The following CPN1 variants were observed in gnomAD, a reference collection of about 807,000 sequenced individuals.
CPN1 encodes carboxypeptidase N subunit 1.
Under a neutral mutation model 46.4 loss-of-function variants are expected in CPN1, and 37 were observed. That is an observed-to-expected ratio of 0.80 (90% CI 0.61 to 1.05). The LOEUF is 1.05. Among genes scored for constraint, CPN1 ranks in the 50% least tolerant of loss-of-function variants. The pLI is 0.00. For synonymous variants in CPN1, 224 were observed against 235.4 expected (o/e 0.95, Z 0.44); for missense variants, 563 against 602.6 (o/e 0.93, Z 0.69).
intron 7 of CPN1, among the ~76,000 whole-genome samples, chr10:100,052,438 A>G (rs889711419): frequency 6.6e-6 from 1 of 152,124 alleles, no homozygotes; most frequent in African/African-American, 2.4e-5. Context: ...GCCGGTCTTG[A>G]GCTCCTGACC....
chr10:100,054,298 G>T (rs1376254818), intron 7 of CPN1, 49 bp downstream of exon 7: 1 of 1,416,028 alleles, frequency 7.1e-7, no homozygotes, highest in Non-Finnish European at 1.0e-6. Flanking sequence ...TGCTGAAGAA[G>T]ATGCAGGAGT....
chr10:100,068,399 G>C (rs958895858), intron 3 of CPN1, among the ~76,000 whole-genome samples: 6 of 151,948 alleles, frequency 3.9e-5, no homozygotes, highest in African/African-American at 1.4e-4. Flanking sequence ...ATTTTTAGTA[G>C]AGATGGGGTT....
At chr10:100,079,006 C>T (rs190041256) in intron 1 of CPN1, among the ~76,000 whole-genome samples, 22 of 152,340 alleles carry the variant, frequency 1.4e-4, no homozygotes, top group African/African-American at 5.1e-4. Flanking sequence ...TCCCTCTGCC[C>T]GTCATCTTTT....
intron 1 of CPN1, among the ~76,000 whole-genome samples, chr10:100,077,200 G>A (rs1490027605): frequency 6.7e-6 from 1 of 149,588 alleles, no homozygotes; most frequent in South Asian, 2.1e-4. Context: ...ATGAGAGAGA[G>A]CTCTCTGTTG....
chr10:100,059,021 T>C (rs72840175), intron 5 of CPN1, among the ~76,000 whole-genome samples: 10,572 of 152,188 alleles, frequency 0.069, 462 homozygotes, highest in African/African-American at 0.11. Context: ...CCTAACACCA[T>C]ATACAAAAAT....
chr10:100,058,281 A>G (rs2133434691), intron 5 of CPN1, among the ~76,000 whole-genome samples: 1 of 152,290 alleles, frequency 6.6e-6, no homozygotes, highest in South Asian at 2.1e-4. Context: ...CTGTTTTTAA[A>G]AGAATAGATT....
Position 100,054,390 on chromosome 10 carries a change from A to G in CPN1, c.1068T>C (p.Asn356=). The change falls in exon 7 of 9, where the codon AAT becomes AAC. Residue 356 remains asparagine, a synonymous_variant. Coordinates refer to ENST00000370418, the MANE Select transcript of CPN1 (RefSeq NM_001308.3). ...TAATCCCACTGACAGAAATGACAGCATTGGCGAGATTATTGTAATTCTCAT... is the reference window on the plus strand; with the variant it reads ...TAATCCCACTGACAGAAATGACAGCGTTGGCGAGATTATTGTAATTCTCAT... ...VLDENYNNLA[N]AVISVSGINH... is the part of the protein sequence containing the mutation. 6.2e-7 allele frequency: 1 copy of G among 1,614,092 alleles called. No individual in the cohort carries two copies. Among genetic ancestry groups the G allele is most frequent in the Non-Finnish European group, 8.5e-7 (1 of 1,179,990 alleles).
chr10:100,063,599 C>T lies in CPN1; in HGVS notation c.871+15G>A. 6.3e-7 allele frequency: 1 copy of T among 1,579,294 alleles called. No homozygotes were observed. The highest frequency in any genetic ancestry group is 8.7e-7 in the Non-Finnish European group (1 of 1,148,482). ...ATTCCACTTCAGCTTGAGCAGTTCC[C>T]AGGACTCCCCTTACCCTTGCTGAGA... On this transcript the variant is annotated intron_variant, in intron 5 of 8. Transcript: ENST00000370418.
chr10:100,074,561 A>T (rs191518612), intron 2 of CPN1, among the ~76,000 whole-genome samples: 1 of 152,150 alleles, frequency 6.6e-6, no homozygotes, highest in African/African-American at 2.4e-5. Context: ...AATTACAGGC[A>T]TATGCCACCA....
intron 5 of CPN1, 45 bp from the exon 6 acceptor site, chr10:100,057,197 A>G (rs780895033): frequency 1.9e-6 from 3 of 1,601,700 alleles, no homozygotes; most frequent in African/African-American, 2.7e-5. Flanking sequence ...CCAGGTTCCC[A>G]CCCAATGCCC....
chr10:100,074,227 GTTC>G (rs937432869), intron 2 of CPN1, among the ~76,000 whole-genome samples: 5 of 152,220 alleles, frequency 3.3e-5, no homozygotes, highest in Admixed American at 2.6e-4. Flanking sequence ...TGGCCAGGAA[GTTC>G]TTCTCTGTGT....
chr10:100,065,230 GC>G lies in CPN1; in HGVS notation c.716del (p.Arg239ProfsTer71). ...CGTCAGGCGTGGGGGTGCTGGCGGT[GC>G]GGCGGACCCCTCGGACCCGGTGCTC... is the stretch of plus-strand genomic sequence containing the variant. ...SFEHRVRGVR[R>X]TASTPTPDDK... On this transcript the variant is annotated frameshift_variant, in exon 4 of 9. Transcript: ENST00000370418. LOFTEE classifies it high-confidence loss of function. 6.2e-7 allele frequency: 1 copy of G among 1,614,074 alleles called. No individual in the cohort carries two copies. The highest frequency in any genetic ancestry group is 8.5e-7 in the Non-Finnish European group (1 of 1,179,968).
chr10:100,076,785 T>C (rs944628612), intron 1 of CPN1, among the ~76,000 whole-genome samples: 2 of 151,952 alleles, frequency 1.3e-5, no homozygotes, highest in African/African-American at 2.4e-5. Context: ...AAGAATAGGA[T>C]TGGGGGCAGG....
intron 8 of CPN1, among the ~76,000 whole-genome samples, chr10:100,047,554 G>A (rs1344443133): frequency 6.6e-6 from 1 of 152,138 alleles, no homozygotes; most frequent in African/African-American, 2.4e-5. Flanking sequence ...TTGTCCAGTT[G>A]CATTTATTAC....
intron 8 of CPN1, among the ~76,000 whole-genome samples, chr10:100,043,562 G>A (rs1371764652): frequency 6.6e-6 from 1 of 152,292 alleles, no homozygotes; most frequent in East Asian, 1.9e-4. Context: ...ATGCCAGTAA[G>A]TGTCACCATG....
At position 100,050,309 on chromosome 10, in the gene CPN1, G is replaced by A. The variant is rs1057322582; in HGVS notation, c.1112-1433C>T. Among the ~76,000 whole-genome samples, 8 of 152,124 alleles carry A rather than the reference G, an allele frequency of 5.3e-5. No homozygotes were observed. The East Asian group carries it at 1.2e-3, about 22-fold the overall frequency. On this transcript the variant is annotated intron_variant, in intron 7 of 8. Transcript: ENST00000370418. ...GTGGAGGCTGCAGTGAGCCGAGATC[G>A]CGCCACTGCACTCCAGCCTTGGTGA...
intron 6 of CPN1, among the ~76,000 whole-genome samples, chr10:100,055,763 A>G (rs796744369): frequency 2.6e-5 from 4 of 152,322 alleles, no homozygotes; most frequent in African/African-American, 9.6e-5. Context: ...AACTCAGGTG[A>G]TCCGCCCGCC....
At chr10:100,078,787 C>A (rs1481367384) in intron 1 of CPN1, among the ~76,000 whole-genome samples, 1 of 152,212 alleles carries the variant, frequency 6.6e-6, no homozygotes, top group Non-Finnish European at 1.5e-5. Flanking sequence ...AAAAAACCCT[C>A]CAGTGGCTTC....
chr10:100,064,190 GC>G, intron 4 of CPN1, among the ~76,000 whole-genome samples: 1 of 152,172 alleles, frequency 6.6e-6, no homozygotes, highest in South Asian at 2.1e-4. Context: ...TGAGAGTCGT[GC>G]GTTGCAGGGA....
Sources: gnomAD v4.1 joint callset for allele counts (sites outside exome capture counted in the v4.1 genomes callset) on GRCh38, gnomAD v4.1.1 for gene constraint, MANE v1.5 for transcripts, NCBI Gene and HGNC (gene_info 2026-07-23, HGNC 2026-07-21) for gene names.